RELN: variants seen among roughly 807,000 people sequenced by gnomAD.
RELN encodes the protein reelin.
In RELN, 108 loss-of-function variants were observed where a neutral mutation model predicts 427.6. The observed-to-expected ratio is 0.25, with a 90% CI of 0.22 to 0.30. The LOEUF is 0.30. RELN is among the 10% of genes least tolerant of loss of function. RELN has a pLI of 1.00. For synonymous variants in RELN, 1,524 were observed against 1,513.4 expected, an observed-to-expected ratio of 1.01 and a Z score of -0.16; for missense variants, 3,715 against 4,302.8, an observed-to-expected ratio of 0.86 and a Z score of 3.82.
chr7:103,744,420 G>A (rs1790759839), intron 6 of RELN, among the ~76,000 whole-genome samples: 1 of 152,058 alleles, frequency 6.6e-6, no homozygotes, highest in African/African-American at 2.4e-5. Context: ...AATCAGAGCA[G>A]AACGGAAGGA....
rs116033707 is a variant in RELN at position 103,629,982 on chromosome 7, A to C, written c.2660T>G (p.Leu887Arg). Residue 887 changes from leucine to arginine, a missense_variant, in exon 20 of 65, where the codon CTT becomes CGT. Coordinates refer to ENST00000428762, the MANE Select transcript of RELN (RefSeq NM_005045.4). ...GCCACAGTATGGCTGAACATTTCCA[A>C]GGTAGAATCCCAGAGACTGAGTGAC... ...VEVTQSLGFY[L>R]GNVQPYCGHD... 6.2e-7 allele frequency: 1 copy of C among 1,613,764 alleles called. No individual in the cohort carries two copies. Among genetic ancestry groups the C allele is most frequent in the Non-Finnish European group, 8.5e-7 (1 of 1,179,710 alleles).
intron 15 of RELN, among the ~76,000 whole-genome samples, 190 bp downstream of exon 15, chr7:103,651,471 G>A (rs1478548972): frequency 2.6e-5 from 4 of 152,004 alleles, no homozygotes; most frequent in Admixed American, 2.0e-4. Flanking sequence ...CCTTACAAAT[G>A]TTCATTGTAA....
chr7:103,784,122 A>T (rs374121739), intron 3 of RELN, among the ~76,000 whole-genome samples: 1 of 152,164 alleles, frequency 6.6e-6, no homozygotes, highest in East Asian at 1.9e-4. Context: ...TGGCTCGTCT[A>T]GTAAAAGGAA....
intron 3 of RELN, among the ~76,000 whole-genome samples, chr7:103,777,272 T>C (rs1791768448): frequency 2.0e-5 from 3 of 152,156 alleles, no homozygotes; most frequent in Admixed American, 2.0e-4. Context: ...ATGGCTATAA[T>C]AAAAAAAGTC....
chr7:103,981,380 C>T (rs1465865628), intron 1 of RELN, among the ~76,000 whole-genome samples: 1 of 152,206 alleles, frequency 6.6e-6, no homozygotes, highest in African/African-American at 2.4e-5. Flanking sequence ...AATGCACTAT[C>T]TTTGCCACCT....
At chr7:103,902,686 G>A (rs1004000968) in intron 2 of RELN, among the ~76,000 whole-genome samples, 3 of 152,084 alleles carry the variant, frequency 2.0e-5, no homozygotes, top group Non-Finnish European at 4.4e-5. Flanking sequence ...GCTTGCCTCA[G>A]AGAACAGCCT....
In RELN at chr7:103,500,786, C is replaced by G; in HGVS notation, c.8626G>C (p.Gly2876Arg). The G allele has an allele frequency of 6.2e-7, 1 of 1,614,088 alleles. No homozygotes were observed. The highest frequency in any genetic ancestry group is 8.5e-7 in the Non-Finnish European group (1 of 1,180,002). The part of the protein sequence containing the change: ...CLREQCICDP[G>R]YSGPNCYLTH... The stretch of plus-strand genomic sequence containing the variant: ...AAGTAGCAGTTTGGCCCTGAGTATC[C>G]CGGATCACAGATGCACTGTTCCCTT... The change falls in exon 53 of 65, where the codon GGA becomes CGA. Residue 2876 changes from glycine (G) to arginine (R), a missense_variant. Physicochemically the swap from Gly to Arg is moderately radical, Grantham distance 125. This residue lies in a region of RELN where 1,310 missense variants were observed against 1,643.0 expected (regional missense o/e 0.80). Transcript: ENST00000428762.
At chr7:103,974,262 TC>T (rs1317255382) in intron 1 of RELN, among the ~76,000 whole-genome samples, 2 of 152,160 alleles carry the variant, frequency 1.3e-5, no homozygotes, top group Non-Finnish European at 2.9e-5. Flanking sequence ...ACGAGTACTA[TC>T]ATCACTATTT....
In RELN at chr7:103,654,131, G is replaced by A. The variant is rs749618355; in HGVS notation, c.1516C>T (p.His506Tyr). The change falls in exon 13 of 65, where the codon CAT (histidine) becomes TAT (tyrosine). Residue 506 changes from histidine (H) to tyrosine (Y), a missense_variant. Coordinates refer to ENST00000428762, the MANE Select transcript of RELN (RefSeq NM_005045.4). The stretch of plus-strand genomic sequence containing the variant: ...TAGGAAAGGGTATCCAGTGTTATAT[G>A]CTCTTTTCTTCCTTCAATTTTTGCA... ...LYAKIEGRKE[H>Y]ITLDTLSYSS... The A allele has an allele frequency of 1.2e-6, 2 of 1,605,144 alleles. No homozygotes were observed. The highest frequency in any genetic ancestry group is 2.7e-5 in the African/African-American group (2 of 74,562).
At chr7:103,758,116 T>A (rs1158585061) in intron 4 of RELN, among the ~76,000 whole-genome samples, 1 of 152,204 alleles carries the variant, frequency 6.6e-6, no homozygotes, top group Non-Finnish European at 1.5e-5. Context: ...TGTGTTTCGA[T>A]GAACTTTAAA....
chr7:103,495,816 G>A lies in RELN; in HGVS notation c.9276C>T (p.His3092=), dbSNP rs794727768. Residue 3092 remains histidine (H), a synonymous_variant, in exon 57 of 65, where the codon CAC becomes CAT. Transcript: ENST00000428762. ...CCTTCTTTTTATTTGGCCAATAGAG[G>A]TGAAAGGATGGATTGCCACAAAATC... ...TAGFCGNPSF[H]LYWPNKKKDK... 2 of 1,614,014 alleles carry A rather than the reference G, an allele frequency of 1.2e-6. No homozygotes were observed. Among genetic ancestry groups the A allele is most frequent in the Middle Eastern group, 1.6e-4 (1 of 6,062 alleles).
At position 103,565,370 on chromosome 7, in the gene RELN, A is replaced by T. The variant is rs762760278; in HGVS notation, c.5118T>A (p.Ile1706=). Reference sequence around the variant, plus strand: ...AACTTTCCGTGTAATGCAGACAGCCAATGGTTGGAGGAACACACTCTTCGG... The same window carrying T: ...AACTTTCCGTGTAATGCAGACAGCCTATGGTTGGAGGAACACACTCTTCGG... ...LVTEECVPPT[I]GCLHYTESSI... Residue 1706 remains isoleucine, a synonymous_variant, in exon 34 of 65, where the codon ATT becomes ATA. Coordinates refer to ENST00000428762, the MANE Select transcript of RELN (RefSeq NM_005045.4). 6.2e-7 allele frequency: 1 copy of T among 1,614,086 alleles called. No homozygotes were observed. The highest frequency in any genetic ancestry group is 1.7e-5 in the Admixed American group (1 of 59,996).
intron 2 of RELN, among the ~76,000 whole-genome samples, chr7:103,916,539 C>A (rs867471313): frequency 1.2e-4 from 18 of 152,086 alleles, no homozygotes; most frequent in African/African-American, 4.1e-4. Context: ...TGTTTTAAGG[C>A]CTCTGATTTA....
rs368098458 is a variant in RELN at position 103,824,627 on chromosome 7, A to AGTGTGTGTGTGTGTGTGTGTGTGTGTGT, written c.473+8882_473+8909dup. On this transcript the variant is annotated intron_variant, in intron 3 of 64. Transcript: ENST00000428762. The surrounding 1 kb of genome is among the most constrained non-coding windows in gnomAD (Gnocchi z 4.4). The stretch of plus-strand genomic sequence containing the variant: ...GTGTTTTCACTTTCTTTCAAAACAG[A>AGTGTGTGTGTGTGTGTGTGTGTGTGTGT]GTGTGTGTGTGTGTGTGTGTGTGTG... 1.5e-5 allele frequency among the ~76,000 whole-genome samples: 2 copies of AGTGTGTGTGTGTGTGTGTGTGTGTGTGT among 130,896 alleles called. No homozygotes were observed. The highest frequency in any genetic ancestry group is 2.9e-5 in the African/African-American group (1 of 33,978). 85.9% of individuals were successfully genotyped at this position (130,896 alleles called of 152,430 possible).
intron 3 of RELN, among the ~76,000 whole-genome samples, chr7:103,832,802 G>A (rs1030562281): frequency 1.3e-5 from 2 of 152,064 alleles, no homozygotes; most frequent in African/African-American, 2.4e-5. Flanking sequence ...CTGGCCACCA[G>A]GAATTTCCTA....
intron 11 of RELN, among the ~76,000 whole-genome samples, chr7:103,674,504 C>G (rs1479324313): frequency 7.9e-5 from 12 of 152,008 alleles, no homozygotes; most frequent in Non-Finnish European, 1.3e-4. Context: ...TGGAAAAAAG[C>G]CCACTGACTG....
chr7:103,602,124 T>C (rs151224466), intron 24 of RELN, among the ~76,000 whole-genome samples: 1 of 152,324 alleles, frequency 6.6e-6, no homozygotes, highest in East Asian at 1.9e-4. Flanking sequence ...ACAGATTTAA[T>C]AAACACATAC....
chr7:103,949,335 T>A (rs958585915), intron 1 of RELN, among the ~76,000 whole-genome samples: 3 of 151,832 alleles, frequency 2.0e-5, no homozygotes, highest in African/African-American at 7.3e-5. Context: ...CAAATTTATA[T>A]GTTAAAATCC....
rs1431428640 is a variant in RELN at position 103,878,252 on chromosome 7, G to GC, written c.337+38822dup. On this transcript the variant is annotated intron_variant, in intron 2 of 64. Transcript: ENST00000428762. ...TATGACTCAGCTGAGAAGAAACTCT[G>GC]CCCCTCTTCTATCCTCCTAATGTAG... Among the ~76,000 whole-genome samples the GC allele has an allele frequency of 5.9e-5, 9 of 152,184 alleles. No individual in the cohort carries two copies. In the East Asian group the frequency reaches 1.7e-3, roughly 29 times the overall value.
Sources: allele counts gnomAD v4.1 joint callset (sites outside exome capture counted in the v4.1 genomes callset), GRCh38; gene constraint gnomAD v4.1.1; regional missense constraint gnomAD v4.1.1; non-coding constraint Gnocchi (gnomAD v3.1); transcripts MANE v1.5; gene names NCBI Gene and HGNC (gene_info 2026-07-23, HGNC 2026-07-21).